Variants in GRID2 observed in about 807,000 individuals in gnomAD.
GRID2 encodes the protein glutamate receptor ionotropic, delta-2.
In GRID2, 33 loss-of-function variants were observed where a neutral mutation model predicts 114.8. That is an observed-to-expected ratio of 0.29 (90% CI 0.22 to 0.38). GRID2 has a LOEUF of 0.38. GRID2 is among the 10% of genes least tolerant of loss of function. The pLI, the probability that GRID2 is intolerant of heterozygous loss-of-function variation, is 1.00. For missense variants in GRID2, 1,184 were observed against 1,257.7 expected (o/e 0.94, Z 0.89); for synonymous variants, 505 against 449.9 (o/e 1.12, Z -1.55).
chr4:93,355,868 G>A (rs1215509363), intron 8 of GRID2, among the ~76,000 whole-genome samples: 1 of 152,006 alleles, frequency 6.6e-6, no homozygotes, highest in East Asian at 1.9e-4. Context: ...ATGCAAGAAA[G>A]TATGATCCTA....
intron 2 of GRID2, among the ~76,000 whole-genome samples, chr4:92,933,806 AT>A (rs1750423408): frequency 6.6e-6 from 1 of 151,572 alleles, no homozygotes; most frequent in Admixed American, 6.6e-5. Flanking sequence ...TTTTCTAATT[AT>A]TTTATCTTTG....
At chr4:93,319,471 A>G (rs977797392) in intron 8 of GRID2, 1 of 151,984 alleles carries the variant, frequency 6.6e-6, no homozygotes, top group African/African-American at 2.4e-5. Flanking sequence ...CCTCCATGAC[A>G]CTCACCTTTG....
At position 93,125,961 on chromosome 4, in the gene GRID2, A is replaced by G. The variant is rs184329039; in HGVS notation, c.735+15008A>G. On this transcript the variant is annotated intron_variant, in intron 4 of 15. Transcript: ENST00000282020. Reference sequence around the variant, plus strand: ...CTGAGTGGCTGTTTTACAGAGTTTTAAAAATATTTTGAATAACATTCCCAA... The same window carrying G: ...CTGAGTGGCTGTTTTACAGAGTTTTGAAAATATTTTGAATAACATTCCCAA... Among the ~76,000 whole-genome samples, 33 of 152,302 alleles carry G rather than the reference A, an allele frequency of 2.2e-4. No homozygotes were observed. The East Asian group carries it at 6.2e-3, about 29-fold the overall frequency.
At position 93,108,012 on chromosome 4, in the gene GRID2, G is replaced by C. The variant is rs75034655; in HGVS notation, c.530-2736G>C. Among the ~76,000 whole-genome samples the C allele has an allele frequency of 3.5e-3, 530 of 152,220 alleles. 20 individuals are homozygous for C. The East Asian group carries it at 0.089, about 26-fold the overall frequency. On this transcript the variant is annotated intron_variant, in intron 3 of 15. Coordinates refer to ENST00000282020, the MANE Select transcript of GRID2 (RefSeq NM_001510.4). ...ATCCAGCTTCATGTCTCACTAGCTA[G>C]GCTGCAACCACAGTGGTCTCCTATA... is the stretch of plus-strand genomic sequence containing the variant.
At chr4:92,940,222 T>G (rs1750999319) in intron 2 of GRID2, among the ~76,000 whole-genome samples, 1 of 147,214 alleles carries the variant, frequency 6.8e-6, no homozygotes, top group Admixed American at 7.3e-5. Context: ...TCCATTTGTT[T>G]GTATCCTCTT....
intron 2 of GRID2, among the ~76,000 whole-genome samples, chr4:92,877,087 A>G (rs1745687045): frequency 6.6e-6 from 1 of 152,186 alleles, no homozygotes; most frequent in African/African-American, 2.4e-5. Context: ...ATTTTTTTAA[A>G]AAACTCTCCA....
chr4:93,288,740 C>G (rs1336975193), intron 8 of GRID2, among the ~76,000 whole-genome samples: 2 of 152,106 alleles, frequency 1.3e-5, no homozygotes, highest in African/African-American at 4.8e-5. Context: ...CTAACATATT[C>G]TTGTGAAGGT....
At chr4:93,763,729 T>C (rs1733404375) in intron 14 of GRID2, among the ~76,000 whole-genome samples, 2 of 152,154 alleles carry the variant, frequency 1.3e-5, no homozygotes, top group Non-Finnish European at 2.9e-5. Context: ...ATCTAGGGAA[T>C]CATTATGCCG....
intron 6 of GRID2, among the ~76,000 whole-genome samples, chr4:93,221,668 A>T (rs1403819875): frequency 1.3e-5 from 2 of 152,214 alleles, no homozygotes; most frequent in Non-Finnish European, 2.9e-5. Context: ...AAGATCAGTT[A>T]ATGATGACAG....
chr4:93,663,267 G>A lies in GRID2; in HGVS notation c.2360+36832G>A, dbSNP rs1723657564. Among the ~76,000 whole-genome samples, 4 of 152,146 alleles carry A rather than the reference G, an allele frequency of 2.6e-5. No homozygotes were observed. In the South Asian group the frequency reaches 8.3e-4, roughly 32 times the overall value. On this transcript the variant is annotated intron_variant, in intron 14 of 15. Coordinates refer to ENST00000282020, the MANE Select transcript of GRID2 (RefSeq NM_001510.4). ...CCCACAGCAGAACATAGTGCCTACA[G>A]CCTCCCTTCAGTGATTCATACAGTT...
In GRID2 at chr4:93,424,041, C is replaced by T. The variant is rs78174709; in HGVS notation, c.1545+1073C>T. On this transcript the variant is annotated intron_variant, in intron 10 of 15. Transcript: ENST00000282020. ...ATATGCCTTCTTAACTTACTACATT[C>T]TATCTTAAGTTAATATTGTACTACT... Among the ~76,000 whole-genome samples the T allele has an allele frequency of 7.5e-3, 1,134 of 152,062 alleles. 15 individuals are homozygous for T. Among genetic ancestry groups the T allele is most frequent in the African/African-American group, 0.026 (1,085 of 41,512 alleles).
intron 12 of GRID2, among the ~76,000 whole-genome samples, chr4:93,508,467 T>G (rs1381094485): frequency 1.3e-5 from 2 of 152,188 alleles, no homozygotes; most frequent in African/African-American, 4.8e-5. Context: ...AGGGCTGGGA[T>G]TACAGGCATG....
chr4:93,768,597 G>T (rs1299192908), intron 14 of GRID2, among the ~76,000 whole-genome samples: 1 of 152,076 alleles, frequency 6.6e-6, no homozygotes, highest in African/African-American at 2.4e-5. Context: ...CATTAAAAGG[G>T]AAACTAGATC....
chr4:93,318,462 A>T (rs973223354), intron 8 of GRID2, among the ~76,000 whole-genome samples: 3 of 152,078 alleles, frequency 2.0e-5, no homozygotes, highest in African/African-American at 7.2e-5. Flanking sequence ...CTTGCAAGCC[A>T]CAAGATAAAG....
chr4:93,561,423 G>C (rs926269242), intron 13 of GRID2, among the ~76,000 whole-genome samples: 1 of 152,118 alleles, frequency 6.6e-6, no homozygotes, highest in Non-Finnish European at 1.5e-5. Flanking sequence ...TGAAAGGAAG[G>C]TATAGAGATT....
At chr4:93,312,454 A>G (rs75471191) in intron 8 of GRID2, among the ~76,000 whole-genome samples, 702 of 152,336 alleles carry the variant, frequency 4.6e-3, no homozygotes, top group Non-Finnish European at 8.0e-3. Flanking sequence ...CATTAGTGCA[A>G]TGAAGCATTC....
At chr4:93,327,807 A>G (rs28715682) in intron 8 of GRID2, among the ~76,000 whole-genome samples, 12,276 of 152,052 alleles carry the variant, frequency 0.081, 672 homozygotes, top group African/African-American at 0.14. Context: ...TGGTGGTGGT[A>G]GATATGCAAA....
intron 5 of GRID2, among the ~76,000 whole-genome samples, chr4:93,216,252 C>T (rs1187800092): frequency 6.6e-6 from 1 of 151,522 alleles, no homozygotes; most frequent in African/African-American, 2.4e-5. Flanking sequence ...TTTTTCATTG[C>T]TAATTATGTG....
chr4:92,695,674 T>G (rs1904334), intron 2 of GRID2, among the ~76,000 whole-genome samples: 1 of 152,176 alleles, frequency 6.6e-6, no homozygotes, highest in African/African-American at 2.4e-5. Context: ...CTGTATCTAT[T>G]ACTTTTTGTT....
Sources: allele counts gnomAD v4.1 joint callset (sites outside exome capture counted in the v4.1 genomes callset), GRCh38; gene constraint gnomAD v4.1.1; transcripts MANE v1.5; gene names NCBI Gene and HGNC (gene_info 2026-07-23, HGNC 2026-07-21).